Variants in ADK observed in about 807,000 individuals in gnomAD.
ADK encodes the protein N6,N6-dimethyladenosine kinase.
ADK carries 24 observed loss-of-function variants against 44.7 expected under a neutral mutation model. The observed-to-expected ratio is 0.54, with a 90% confidence interval of 0.39 to 0.76. The LOEUF (loss-of-function observed/expected upper bound fraction) is 0.76. Ranked by LOEUF, ADK falls within the 30% of genes least tolerant of loss-of-function variation. The pLI is 0.00. For synonymous variants in ADK, 128 were observed against 142.6 expected (o/e 0.90, Z 0.73); for missense variants, 321 against 425.1 (o/e 0.76, Z 2.15).
At chr10:74,187,730 G>A (rs975518901) in intron 1 of ADK, among the ~76,000 whole-genome samples, 4 of 151,958 alleles carry the variant, frequency 2.6e-5, no homozygotes, top group Non-Finnish European at 5.9e-5. Flanking sequence ...TTTTCTAGAA[G>A]CTTTATGTTT....
intron 6 of ADK, among the ~76,000 whole-genome samples, chr10:74,418,126 T>G (rs1844437636): frequency 6.6e-6 from 1 of 152,192 alleles, no homozygotes; most frequent in Non-Finnish European, 1.5e-5. Context: ...GAAAATTTCA[T>G]CAAGCAACAT....
chr10:74,566,201 C>CTTTTTTTTTTTTTTT (rs772254919), intron 7 of ADK, among the ~76,000 whole-genome samples: 1 of 113,998 alleles, frequency 8.8e-6, no homozygotes, highest in Non-Finnish European at 1.7e-5. Context: ...CTCTCTCTCT[C>CTTTTTTTTTTTTTTT]TTTTTTTTTT....
At chr10:74,615,393 G>A (rs1157253481) in intron 9 of ADK, among the ~76,000 whole-genome samples, 4 of 152,112 alleles carry the variant, frequency 2.6e-5, no homozygotes, top group African/African-American at 9.6e-5. Context: ...ACTTTTTGTA[G>A]TGTCAAGTTC....
chr10:74,509,567 A>G (rs1204185310), intron 6 of ADK: 1 of 152,216 alleles, frequency 6.6e-6, no homozygotes, highest in African/African-American at 2.4e-5. Context: ...TCAAACATTT[A>G]TCATTTCTTT....
At chr10:74,701,133 A>T (rs961035000) in intron 10 of ADK, among the ~76,000 whole-genome samples, 6 of 152,248 alleles carry the variant, frequency 3.9e-5, no homozygotes, top group African/African-American at 1.4e-4. Flanking sequence ...GTAAACAAAT[A>T]AATTTGTTGA....
At chr10:74,553,589 T>C (rs940720501) in intron 7 of ADK, among the ~76,000 whole-genome samples, 10 of 152,192 alleles carry the variant, frequency 6.6e-5, no homozygotes, top group African/African-American at 2.4e-4. Flanking sequence ...AGGAACATTA[T>C]GTTGAACAAG....
At chr10:74,154,864 C>G (rs995243023) in intron 1 of ADK, among the ~76,000 whole-genome samples, 2 of 152,212 alleles carry the variant, frequency 1.3e-5, no homozygotes, top group Non-Finnish European at 1.5e-5. Flanking sequence ...CCTAAGCAGT[C>G]TCTTTACCTT....
chr10:74,165,272 A>G (rs1162959500), intron 1 of ADK, among the ~76,000 whole-genome samples: 1 of 152,136 alleles, frequency 6.6e-6, no homozygotes, highest in African/African-American at 2.4e-5. Context: ...TTGATGAGGT[A>G]CTTAAAATCA....
At chr10:74,421,022 G>T (rs1467460298) in intron 6 of ADK, among the ~76,000 whole-genome samples, 2 of 152,070 alleles carry the variant, frequency 1.3e-5, no homozygotes, top group African/African-American at 4.8e-5. Flanking sequence ...CATCACAAAG[G>T]GTTAATTTTA....
intron 2 of ADK, among the ~76,000 whole-genome samples, chr10:74,216,990 C>T (rs1844065661): frequency 6.6e-6 from 1 of 152,204 alleles, no homozygotes; most frequent in Admixed American, 6.5e-5. Context: ...CTGGGTTCAT[C>T]TCACTAGAGA....
intron 6 of ADK, among the ~76,000 whole-genome samples, chr10:74,509,195 G>A (rs1848199846): frequency 1.3e-5 from 2 of 148,452 alleles, no homozygotes; most frequent in Non-Finnish European, 2.9e-5. Flanking sequence ...AATACATTAT[G>A]ATTTTTTTTT....
At chr10:74,463,765 C>A (rs572788060) in intron 6 of ADK, among the ~76,000 whole-genome samples, 1 of 152,018 alleles carries the variant, frequency 6.6e-6, no homozygotes, top group Admixed American at 6.6e-5. Flanking sequence ...GCAGATTCGT[C>A]GTCTTTACCA....
At chr10:74,211,373 G>A (rs1350027724) in intron 2 of ADK, among the ~76,000 whole-genome samples, 2 of 151,956 alleles carry the variant, frequency 1.3e-5, no homozygotes, top group Admixed American at 1.3e-4. Context: ...ATTTCTTTCT[G>A]TATTTTAGGT....
chr10:74,570,324 G>T (rs1371142876), intron 7 of ADK, among the ~76,000 whole-genome samples: 2 of 152,192 alleles, frequency 1.3e-5, no homozygotes, highest in African/African-American at 4.8e-5. Flanking sequence ...GTCATTGGCA[G>T]TTTGATGGGG....
rs1389038862 is a variant in ADK at position 74,151,330 on chromosome 10, C to T, written c.52C>T (p.Pro18Ser). 12 of 1,549,486 alleles carry T rather than the reference C, an allele frequency of 7.7e-6. No homozygotes were observed. In the East Asian group the frequency reaches 2.2e-4, roughly 28 times the overall value. Reference sequence around the variant, plus strand: ...GCCCAAAAAGCTGAAGGTGGAGGCGCCGCAAGCGCTGAGGTGAGCGCTGCC... The same window carrying T: ...GCCCAAAAAGCTGAAGGTGGAGGCGTCGCAAGCGCTGAGGTGAGCGCTGCC... ...PKPKKLKVEA[P>S]QALRENILFG... The change falls in exon 1 of 11, where the codon CCG (proline) becomes TCG (serine). Residue 18 changes from proline to serine, a missense_variant. By Grantham distance (74) the Pro-to-Ser change is moderately conservative. Transcript: ENST00000539909.
intron 3 of ADK, among the ~76,000 whole-genome samples, chr10:74,268,354 CTTT>C (rs74628173): frequency 2.8e-5 from 4 of 142,344 alleles, no homozygotes; most frequent in African/African-American, 5.2e-5. Flanking sequence ...ACATGAAAAA[CTTT>C]TTTTTTTTTT....
At chr10:74,426,147 A>G (rs1202309313) in intron 6 of ADK, among the ~76,000 whole-genome samples, 2 of 152,168 alleles carry the variant, frequency 1.3e-5, no homozygotes, top group Non-Finnish European at 2.9e-5. Context: ...CTATTTCAGT[A>G]TATGATTTTT....
chr10:74,236,841 G>A (rs1844980289), intron 3 of ADK, among the ~76,000 whole-genome samples: 1 of 152,120 alleles, frequency 6.6e-6, no homozygotes, highest in Admixed American at 6.6e-5. Context: ...TTAATTTAAT[G>A]TAATCTATTG....
intron 9 of ADK, among the ~76,000 whole-genome samples, chr10:74,650,565 G>A (rs1196758588): frequency 6.6e-6 from 1 of 151,930 alleles, no homozygotes; most frequent in Non-Finnish European, 1.5e-5. Context: ...TTATTTCTTT[G>A]GGGTACTACT....
Sources: allele counts gnomAD v4.1 joint callset (sites outside exome capture counted in the v4.1 genomes callset), GRCh38; gene constraint gnomAD v4.1.1; transcripts MANE v1.5; gene names NCBI Gene and HGNC (gene_info 2026-07-23, HGNC 2026-07-21).